Variants in ZNF233 observed in about 807,000 individuals in gnomAD.
ZNF233 encodes the protein zinc finger protein 233.
ZNF233 carries 7 observed loss-of-function variants against 11.6 expected under a neutral mutation model. That is an observed-to-expected ratio of 0.60 (90% CI 0.34 to 1.13). The LOEUF is 1.13. Ranked by LOEUF, ZNF233 falls within the 50% of genes most tolerant of loss-of-function variation. The probability of loss-of-function intolerance (pLI) is 0.03; values close to 1 mark genes in which losing one functional copy is unlikely to be tolerated. For missense variants in ZNF233, 711 were observed against 785.5 expected (o/e 0.91, Z 1.13); for synonymous variants, 226 against 268.5 (o/e 0.84, Z 1.55).
In ZNF233 at chr19:44,274,218, A is replaced by C; in HGVS notation, c.1558A>C (p.Ile520Leu). The change falls in exon 5 of 5, where the codon ATC (isoleucine) becomes CTC (leucine). Residue 520 changes from isoleucine (I) to leucine (L), a missense_variant. Ile to Leu is a conservative substitution (Grantham distance 5, BLOSUM62 2). Transcript: ENST00000683810. ...CDTCGKDFSQ[I>L]SHLQAHQRVH... is the part of the protein sequence containing the mutation. ...CACATGTGGGAAGGACTTCAGTCAG[A>C]TCTCTCATCTTCAGGCCCATCAGAG... 2 of 1,606,678 alleles carry C rather than the reference A, an allele frequency of 1.2e-6. No homozygotes were observed. Among genetic ancestry groups the C allele is most frequent in the Non-Finnish European group, 1.7e-6 (2 of 1,174,028 alleles).
In ZNF233 at chr19:44,266,436, T is replaced by C. The variant is rs572181610; in HGVS notation, c.142+112T>C. 68 of 1,327,476 alleles carry C rather than the reference T, an allele frequency of 5.1e-5. No homozygotes were observed. In the Admixed American group the frequency reaches 1.7e-3, roughly 34 times the overall value. 82.2% of individuals were successfully genotyped at this position (1,327,476 alleles called of 1,614,324 possible). A position where few individuals can be genotyped will look rare whatever the true frequency, so the allele number is the denominator to read the frequency against. On this transcript the variant is annotated intron_variant, in intron 3 of 4. Coordinates refer to ENST00000683810, the MANE Select transcript of ZNF233 (RefSeq NM_001207005.2). ...GCTTCCCTGAACTTGGGGATGTGAA[T>C]TTTCTAATTCCTCAGGGACATCTTG...
chr19:44,272,331 C>G (rs1465511891), intron 4 of ZNF233, among the ~76,000 whole-genome samples: 1 of 141,674 alleles, frequency 7.1e-6, no homozygotes. Flanking sequence ...ATTGTACAAC[C>G]TGCAGTCTCA....
intron 1 of ZNF233, among the ~76,000 whole-genome samples, chr19:44,260,611 T>G (rs1974912264): frequency 6.6e-6 from 1 of 152,200 alleles, no homozygotes; most frequent in Non-Finnish European, 1.5e-5. Context: ...GGATGTCCAC[T>G]GTCATTCATC....
In ZNF233 at chr19:44,273,220, A is replaced by G. The variant is rs1302542742; in HGVS notation, c.560A>G (p.Tyr187Cys). 1 of 1,613,650 alleles carries G rather than the reference A, an allele frequency of 6.2e-7. No homozygotes were observed. The highest frequency in any genetic ancestry group is 1.3e-5 in the African/African-American group (1 of 74,948). The stretch of plus-strand genomic sequence containing the variant: ...ACCTGGGATTTCTGGAGGAAAATGT[A>G]TCTGAGAGAACCACAGAATTATCAG... ...RTTWDFWRKM[Y>C]LREPQNYQSR... The change falls in exon 5 of 5, where the codon TAT becomes TGT. Residue 187 changes from tyrosine (Y) to cysteine (C), a missense_variant. Tyr to Cys is a radical substitution (Grantham distance 194). Transcript: ENST00000683810.
chr19:44,264,437 C>G, intron 2 of ZNF233, 62 bp downstream of exon 2: 1 of 1,482,598 alleles, frequency 6.7e-7, no homozygotes. Context: ...AGATTAGACA[C>G]TTTTTTTTCT....
At chr19:44,267,547 T>TA in intron 4 of ZNF233, 1 of 355,498 alleles carries the variant, frequency 2.8e-6, no homozygotes, top group Non-Finnish European at 4.9e-6. Context: ...TATATATACA[T>TA]GTTTTTTTTT....
chr19:44,273,896 A>G lies in ZNF233; in HGVS notation c.1236A>G (p.Gln412=). The change falls in exon 5 of 5, where the codon CAA becomes CAG. Residue 412 remains glutamine (Q), a synonymous_variant. Coordinates refer to ENST00000683810, the MANE Select transcript of ZNF233 (RefSeq NM_001207005.2). Reference sequence around the variant, plus strand: ...ATAAAGGCTTCAGTCAGACATCACAACTTCAAGCCCATCAGAGAGGTCACT... The same window carrying G: ...ATAAAGGCTTCAGTCAGACATCACAGCTTCAAGCCCATCAGAGAGGTCACT... ...VYDKGFSQTS[Q]LQAHQRGHSR... 2 of 1,614,224 alleles carry G rather than the reference A, an allele frequency of 1.2e-6. No individual in the cohort carries two copies. The highest frequency in any genetic ancestry group is 1.7e-6 in the Non-Finnish European group (2 of 1,180,036).
At chr19:44,266,148 C>A in intron 2 of ZNF233, 50 bp from the exon 3 acceptor site, 1 of 1,563,288 alleles carries the variant, frequency 6.4e-7, no homozygotes, top group Non-Finnish European at 8.7e-7. Flanking sequence ...TGCCTCTCTC[C>A]CAGCAGTTAT....
intron 1 of ZNF233, among the ~76,000 whole-genome samples, chr19:44,263,984 A>G (rs958658143): frequency 1.3e-5 from 2 of 152,194 alleles, no homozygotes; most frequent in African/African-American, 4.8e-5. Context: ...ATTAGCTTAA[A>G]CAGAGTTAGT....
chr19:44,273,889 C>T lies in ZNF233; in HGVS notation c.1229C>T (p.Thr410Ile). 1 of 1,614,116 alleles carries T rather than the reference C, an allele frequency of 6.2e-7. No individual in the cohort carries two copies. Among genetic ancestry groups the T allele is most frequent in the South Asian group, 1.1e-5 (1 of 91,084 alleles). ...CDVYDKGFSQ[T>I]SQLQAHQRGH... ...GTATATGATAAAGGCTTCAGTCAGA[C>T]ATCACAACTTCAAGCCCATCAGAGA... Residue 410 changes from threonine (T) to isoleucine (I), a missense_variant, in exon 5 of 5, where the codon ACA (threonine) becomes ATA (isoleucine). Physicochemically the swap from Thr to Ile is moderately conservative, Grantham distance 89 (BLOSUM62 -1). Transcript: ENST00000683810.
Position 44,273,014 on chromosome 19 carries a change from T to G in ZNF233, c.354T>G (p.Ser118Arg). Residue 118 changes from serine (S) to arginine (R), a missense_variant, in exon 5 of 5, where the codon AGT (serine) becomes AGG (arginine). Physicochemically the swap from Ser to Arg is moderately radical, Grantham distance 110. Transcript: ENST00000683810. ...AACAATTTACAAGTAAATTAACCAG[T>G]AATCAAGACCTAATAATAAATCTTC... ...IWEQFTSKLT[S>R]NQDLIINLQG... 2 of 1,614,068 alleles carry G rather than the reference T, an allele frequency of 1.2e-6. No homozygotes were observed. Among genetic ancestry groups the G allele is most frequent in the South Asian group, 2.2e-5 (2 of 91,068 alleles).
In ZNF233 at chr19:44,273,775, G is replaced by A; in HGVS notation, c.1115G>A (p.Cys372Tyr). Reference sequence around the variant, plus strand: ...CACCCAGGAGAGAAGTTGTGTACATGTGGCAGGTGTGGGAAGGGCTTCCAT... The same window carrying A: ...CACCCAGGAGAGAAGTTGTGTACATATGGCAGGTGTGGGAAGGGCTTCCAT... ...LTHPGEKLCTCGRCGKGFHHS... is the reference protein window; with the variant it reads ...LTHPGEKLCTYGRCGKGFHHS... Residue 372 changes from cysteine (C) to tyrosine (Y), a missense_variant, in exon 5 of 5, where the codon TGT (cysteine) becomes TAT (tyrosine). Cys to Tyr is a radical substitution (Grantham distance 194, BLOSUM62 -2). Transcript: ENST00000683810. The A allele has an allele frequency of 6.2e-7, 1 of 1,614,220 alleles. No individual in the cohort carries two copies. The highest frequency in any genetic ancestry group is 8.5e-7 in the Non-Finnish European group (1 of 1,180,042).
chr19:44,267,371 T>C (rs1024853923), intron 4 of ZNF233: 30 of 398,788 alleles, frequency 7.5e-5, no homozygotes, highest in Non-Finnish European at 8.4e-5. Context: ...TTTTTTTTCT[T>C]TAAGACAGGT....
Position 44,262,718 on chromosome 19 carries a change from A to G in ZNF233, c.-47-1596A>G, listed in dbSNP as rs138142905. Among the ~76,000 whole-genome samples, 49 of 152,230 alleles carry G rather than the reference A, an allele frequency of 3.2e-4. 1 individual carries two copies. Among genetic ancestry groups the G allele is most frequent in the African/African-American group, 1.1e-3 (47 of 41,536 alleles). On this transcript the variant is annotated intron_variant, in intron 1 of 4. Coordinates refer to ENST00000683810, the MANE Select transcript of ZNF233 (RefSeq NM_001207005.2). ...TGCTATCTTGTATATACTCACTGAA[A>G]CCTCTTAATAACCCTACGAGGTAGA...
Position 44,266,222 on chromosome 19 carries a change from G to C in ZNF233, c.40G>C (p.Ala14Pro), listed in dbSNP as rs1975078298. 6.2e-7 allele frequency: 1 copy of C among 1,611,544 alleles called. No individual in the cohort carries two copies. The highest frequency in any genetic ancestry group is 8.5e-7 in the Non-Finnish European group (1 of 1,178,656). The change falls in exon 3 of 5, where the codon GCT becomes CCT. Residue 14 changes from alanine (A) to proline (P), a missense_variant. Coordinates refer to ENST00000683810, the MANE Select transcript of ZNF233 (RefSeq NM_001207005.2). ...GGAGATGGTGACATTCAAGGATGTGGCTGTGGTCTTCACCAGGGAGGAGCT... is the reference window on the plus strand; with the variant it reads ...GGAGATGGTGACATTCAAGGATGTGCCTGTGGTCTTCACCAGGGAGGAGCT... ...FQEMVTFKDVAVVFTREELGL... is the reference protein window; with the variant it reads ...FQEMVTFKDVPVVFTREELGL...
At chr19:44,268,573 T>C (rs1298599293) in intron 4 of ZNF233, among the ~76,000 whole-genome samples, 1 of 152,220 alleles carries the variant, frequency 6.6e-6, no homozygotes, top group Non-Finnish European at 1.5e-5. Context: ...AATGAGTGAC[T>C]GAATGAGTGA....
chr19:44,271,496 C>A (rs1390477052), intron 4 of ZNF233, among the ~76,000 whole-genome samples: 1 of 151,440 alleles, frequency 6.6e-6, no homozygotes, highest in Non-Finnish European at 1.5e-5. Context: ...ACATCTGCCA[C>A]GGAAAAGAGG....
At chr19:44,260,768 C>G (rs1297562396) in intron 1 of ZNF233, among the ~76,000 whole-genome samples, 1 of 152,112 alleles carries the variant, frequency 6.6e-6, no homozygotes, top group Admixed American at 6.5e-5. Context: ...TATGCTATTG[C>G]TATTTCTGCT....
rs1975282085 is a variant in ZNF233 at position 44,273,054 on chromosome 19, A to C, written c.394A>C (p.Lys132Gln). 1.2e-6 allele frequency: 2 copies of C among 1,614,052 alleles called. No homozygotes were observed. Among genetic ancestry groups the C allele is most frequent in the African/African-American group, 2.7e-5 (2 of 74,950 alleles). Residue 132 changes from lysine (K) to glutamine (Q), a missense_variant, in exon 5 of 5, where the codon AAG (lysine) becomes CAG (glutamine). Physicochemically the swap from Lys to Gln is moderately conservative, Grantham distance 53 (BLOSUM62 1). Coordinates refer to ENST00000683810, the MANE Select transcript of ZNF233 (RefSeq NM_001207005.2). The stretch of plus-strand genomic sequence containing the variant: ...AATAAATCTTCAAGGCAAGAGGTCC[A>C]AGTTGCTAAAACAAGGTGATTCCCC... Reference protein sequence around the residue: ...LIINLQGKRSKLLKQGDSPCQ... With the variant: ...LIINLQGKRSQLLKQGDSPCQ...
Sources: allele counts gnomAD v4.1 joint callset (sites outside exome capture counted in the v4.1 genomes callset), GRCh38; gene constraint gnomAD v4.1.1; transcripts MANE v1.5; gene names NCBI Gene and HGNC (gene_info 2026-07-23, HGNC 2026-07-21).